Variants in USHBP1 observed in about 807,000 individuals in gnomAD.
The protein encoded by USHBP1 is harmonin-binding protein USHBP1.
USHBP1 carries 67 observed loss-of-function variants against 76.2 expected under a neutral mutation model. The ratio of observed to expected loss-of-function variants is 0.88; its 90% CI spans 0.72 to 1.08. The LOEUF (loss-of-function observed/expected upper bound fraction) is 1.08, where lower values mean the gene tolerates loss of function less well. Among genes scored for constraint, USHBP1 ranks in the 50% least tolerant of loss-of-function variants. USHBP1 has a pLI of 0.00. For synonymous variants in USHBP1, 322 were observed against 362.2 expected (o/e 0.89, Z 1.26); for missense variants, 931 against 915.0 (o/e 1.02, Z -0.23).
In USHBP1 at chr19:17,255,624, G is replaced by A. The variant is rs554380229; in HGVS notation, c.1471-18C>T. ...AGGGCCTCCTGTGGGACCAAGGAGA[G>A]GGGAGAGAATTTATGCTTCTACGGT... On this transcript the variant is annotated intron_variant, in intron 9 of 12. Transcript: ENST00000252597. The A allele has an allele frequency of 3.1e-6, 5 of 1,594,000 alleles. No individual in the cohort carries two copies. Among genetic ancestry groups the A allele is most frequent in the East Asian group, 4.5e-5 (2 of 44,196 alleles).
rs780256858 is a variant in USHBP1, at chr19:17,259,585, G to T, written c.905+11C>A. On this transcript the variant is annotated intron_variant, in intron 6 of 12. Coordinates refer to ENST00000252597, the MANE Select transcript of USHBP1 (RefSeq NM_031941.4). The stretch of plus-strand genomic sequence containing the variant: ...CTGTGCCCTTATGAGCTCAGCATTT[G>T]AGTCTCTTACCCCCGGAGTTGCTCC... The T allele has an allele frequency of 3.7e-6, 6 of 1,606,358 alleles. No individual in the cohort carries two copies. Among genetic ancestry groups the T allele is most frequent in the Non-Finnish European group, 5.1e-6 (6 of 1,176,992 alleles).
At chr19:17,255,312 AG>A in intron 10 of USHBP1, 72 bp downstream of exon 10, 1 of 1,339,592 alleles carries the variant, frequency 7.5e-7, no homozygotes, top group Non-Finnish European at 1.0e-6. Flanking sequence ...AAAAAAAAAA[AG>A]GCTGTGATTG....
rs1377655461 is a variant in USHBP1 at position 17,259,405 on chromosome 19, A to G, written c.930T>C (p.Phe310=). 5 of 1,614,186 alleles carry G rather than the reference A, an allele frequency of 3.1e-6. No individual in the cohort carries two copies. The highest frequency in any genetic ancestry group is 3.4e-6 in the Non-Finnish European group (4 of 1,180,040). Residue 310 remains phenylalanine, a synonymous_variant, in exon 7 of 13, where the codon TTT becomes TTC. Transcript: ENST00000252597. ...LRGSIEKLKC[F]NRLLSAVLQG... ...GTAGCACAGCTGATAGCAGACGATT[A>G]AAGCATTTGAGCTTCTCAATGCTCC...
At chr19:17,251,761 TCTC>T in intron 11 of USHBP1, 57 bp from the exon 12 acceptor site, 3 of 1,605,158 alleles carry the variant, frequency 1.9e-6, no homozygotes, top group Non-Finnish European at 2.5e-6. Context: ...GTTTCCCAGG[TCTC>T]CTCCTACCCA....
chr19:17,264,637 G>T, intron 1 of USHBP1, 34 bp downstream of exon 1: 1 of 358,368 alleles, frequency 2.8e-6, no homozygotes, highest in Non-Finnish European at 5.1e-6. Flanking sequence ...TCTCCTCCCC[G>T]GCCCTCCTAA....
chr19:17,251,608 C>T lies in USHBP1; in HGVS notation c.1896G>A (p.Leu632=), dbSNP rs2073552471. ...TGTGGGCTTTGCATAAATCCCTGTTCAGCTCGGCACTCTGAGACCGTCTGG... is the reference window on the plus strand; with the variant it reads ...TGTGGGCTTTGCATAAATCCCTGTTTAGCTCGGCACTCTGAGACCGTCTGG... ...GRARRSQSAE[L]NRDLCKAHSA... is the part of the protein sequence containing the mutation. The change falls in exon 12 of 13, where the codon CTG becomes CTA. Residue 632 remains leucine, a synonymous_variant. Transcript: ENST00000252597. The T allele has an allele frequency of 1.9e-6, 3 of 1,614,002 alleles. No homozygotes were observed. The highest frequency in any genetic ancestry group is 2.7e-5 in the African/African-American group (2 of 75,016).
In USHBP1 at chr19:17,264,160, A is replaced by T. The variant is rs1568329382; in HGVS notation, c.55-10T>A. 2.5e-6 allele frequency: 4 copies of T among 1,612,122 alleles called. No individual in the cohort carries two copies. In the African/African-American group the frequency reaches 4.0e-5, roughly 16 times the overall value. On this transcript the variant is annotated splice_polypyrimidine_tract_variant and intron_variant, in intron 2 of 12. Coordinates refer to ENST00000252597, the MANE Select transcript of USHBP1 (RefSeq NM_031941.4). The stretch of plus-strand genomic sequence containing the variant: ...CGGGATCCAGTTCACCCTGCAAATG[A>T]CCCCCGGGGCCCTGCTCTGAGCCAG...
intron 11 of USHBP1, 24 bp from the exon 12 acceptor site, chr19:17,251,728 G>T (rs751361984): frequency 4.0e-5 from 65 of 1,610,432 alleles, no homozygotes; most frequent in Middle Eastern, 1.7e-4. Flanking sequence ...GAAGAGAGGG[G>T]GCTCACAGCC....
chr19:17,251,578 C>T lies in USHBP1; in HGVS notation c.1922+4G>A. The stretch of plus-strand genomic sequence containing the variant: ...GGGATTGGGGGGATGCAGAACAGTC[C>T]TACCTGTGGGCTTTGCATAAATCCC... On this transcript the variant is annotated splice_donor_region_variant and intron_variant, in intron 12 of 12. Coordinates refer to ENST00000252597, the MANE Select transcript of USHBP1 (RefSeq NM_031941.4). 1 of 1,613,730 alleles carries T rather than the reference C, an allele frequency of 6.2e-7. No individual in the cohort carries two copies. The highest frequency in any genetic ancestry group is 8.5e-7 in the Non-Finnish European group (1 of 1,179,844).
chr19:17,250,399 G>T lies in USHBP1; in HGVS notation c.1938C>A (p.Ala646=). ...CCTGCTTCCGGTGGGCTCCTCGGAA[G>T]GCCAGGACCAGGGCGCTGGAAGGGG... ...LCKAHSALVL[A]FRGAHRKQEE... The change falls in exon 13 of 13, where the codon GCC becomes GCA. Residue 646 remains alanine (A), a synonymous_variant. Transcript: ENST00000252597. The T allele has an allele frequency of 1.2e-6, 2 of 1,613,078 alleles. No homozygotes were observed. The highest frequency in any genetic ancestry group is 1.7e-6 in the Non-Finnish European group (2 of 1,179,924).
intron 9 of USHBP1, 86 bp from the exon 10 acceptor site, chr19:17,255,692 A>G: frequency 7.2e-7 from 1 of 1,384,328 alleles, no homozygotes; most frequent in Non-Finnish European, 9.7e-7. Flanking sequence ...CCCACTGAGG[A>G]CTATTCAGAC....
chr19:17,256,848 T>A, intron 8 of USHBP1, 128 bp from the exon 9 acceptor site: 1 of 1,396,740 alleles, frequency 7.2e-7, no homozygotes, highest in Non-Finnish European at 9.7e-7. Flanking sequence ...CCATCTTTGG[T>A]GGTCCCTGTC....
In USHBP1 at chr19:17,249,279, C is replaced by T. The variant is rs910155552; in HGVS notation, c.*946G>A. ...CGATCTCGGTTCACTGCAACCCCCG[C>T]CTCTCAGGTTCAAGCAATTATCCTG... On this transcript the variant is annotated 3_prime_UTR_variant, in exon 13 of 13. Transcript: ENST00000252597. 3.3e-5 allele frequency: 5 copies of T among 152,154 alleles called. No individual in the cohort carries two copies. Among genetic ancestry groups the T allele is most frequent in the Non-Finnish European group, 7.3e-5 (5 of 68,046 alleles). 9.4% of individuals were successfully genotyped at this position (152,154 alleles called of 1,614,324 possible). A position where few individuals can be genotyped will look rare whatever the true frequency, so the allele number is the denominator to read the frequency against.
At chr19:17,254,878 T>C (rs1188504419) in intron 10 of USHBP1, among the ~76,000 whole-genome samples, 1 of 151,864 alleles carries the variant, frequency 6.6e-6, no homozygotes, top group Non-Finnish European at 1.5e-5. Context: ...TAAGCTGAGA[T>C]CTACAGGAGG....
intron 3 of USHBP1, 158 bp downstream of exon 3, chr19:17,263,844 C>G (rs2073720012): frequency 4.8e-6 from 5 of 1,030,998 alleles, no homozygotes; most frequent in Non-Finnish European, 6.8e-6. Context: ...GCACTACAGC[C>G]TGGGTGACAC....
chr19:17,256,588 G>A lies in USHBP1; in HGVS notation c.1353C>T (p.Pro451=), dbSNP rs772693210. ...CTTCTGCACGGGGCACAGTGGGCAT[G>A]GGTGCCAAGGTGGGGCCAGGCTCTG... ...ILSEPGPTLA[P]MPTVPRAEAM... is the part of the protein sequence containing the mutation. Residue 451 remains proline (P), a synonymous_variant, in exon 9 of 13, where the codon CCC becomes CCT. Coordinates refer to ENST00000252597, the MANE Select transcript of USHBP1 (RefSeq NM_031941.4). 2.5e-6 allele frequency: 4 copies of A among 1,614,206 alleles called. No individual in the cohort carries two copies. Among genetic ancestry groups the A allele is most frequent in the Admixed American group, 1.7e-5 (1 of 60,020 alleles).
intron 12 of USHBP1, among the ~76,000 whole-genome samples, chr19:17,250,808 C>A (rs567566404): frequency 6.6e-6 from 1 of 152,140 alleles, no homozygotes; most frequent in Non-Finnish European, 1.5e-5. Context: ...CCTGCCTCAG[C>A]CTCCCAAAGT....
intron 8 of USHBP1, among the ~76,000 whole-genome samples, chr19:17,257,642 CA>C (rs778148447): frequency 0.067 from 2,671 of 39,610 alleles, 32 homozygotes; most frequent in African/African-American, 0.14. Context: ...AACTCTGTCT[CA>C]AAAAAAAAAA....
Position 17,259,702 on chromosome 19 carries a change from G to A in USHBP1, c.799C>T (p.Arg267Trp), listed in dbSNP as rs188069399. 458 of 1,613,218 alleles carry A rather than the reference G, an allele frequency of 2.8e-4. No homozygotes were observed. The highest frequency in any genetic ancestry group is 5.3e-4 in the East Asian group (24 of 44,876). The part of the protein sequence containing the change: ...DSFSLAHPLL[R>W]RLRSHSSTQI... ...GTGCTGGAATGGCTGCGGAGGCGCC[G>A]AAGCAGGGGGTGAGCCAGGGAGAAG... The change falls in exon 6 of 13, where the codon CGG becomes TGG. Residue 267 changes from arginine (R) to tryptophan (W), a missense_variant. Coordinates refer to ENST00000252597, the MANE Select transcript of USHBP1 (RefSeq NM_031941.4).
Sources: gnomAD v4.1 joint callset for allele counts (sites outside exome capture counted in the v4.1 genomes callset) on GRCh38, gnomAD v4.1.1 for gene constraint, MANE v1.5 for transcripts, NCBI Gene and HGNC (gene_info 2026-07-23, HGNC 2026-07-21) for gene names.